The following CADM2 variants were observed in gnomAD, a reference collection of about 807,000 sequenced individuals.
The protein encoded by CADM2 is cell adhesion molecule 2.
In CADM2, 12 loss-of-function variants were observed where a neutral mutation model predicts 49.8. The observed-to-expected ratio is 0.24, with a 90% confidence interval of 0.15 to 0.39. The LOEUF (loss-of-function observed/expected upper bound fraction) is 0.39, where lower values mean the gene tolerates loss of function less well. Ranked by LOEUF, CADM2 falls within the 10% of genes least tolerant of loss-of-function variation. The pLI is 1.00. For synonymous variants in CADM2, 214 were observed against 175.4 expected, an observed-to-expected ratio of 1.22 and a Z score of -1.74; for missense variants, 378 against 492.3, an observed-to-expected ratio of 0.77 and a Z score of 2.20.
intron 1 of CADM2, among the ~76,000 whole-genome samples, chr3:85,307,955 A>AC (rs1491123870): frequency 1.1e-4 from 16 of 149,880 alleles, no homozygotes; most frequent in African/African-American, 3.9e-4. Context: ...AAAAAAAAAA[A>AC]CACAATAATT....
chr3:85,723,334 G>A (rs1406890978), intron 1 of CADM2, among the ~76,000 whole-genome samples: 3 of 152,100 alleles, frequency 2.0e-5, no homozygotes, highest in Non-Finnish European at 4.4e-5. Flanking sequence ...TCTATAAACA[G>A]TTAAAATTGC....
intron 2 of CADM2, among the ~76,000 whole-genome samples, chr3:85,768,787 GTA>G (rs2069824210): frequency 8.5e-6 from 1 of 117,194 alleles, no homozygotes; most frequent in Non-Finnish European, 1.7e-5. Flanking sequence ...TACATATATA[GTA>G]TATATACACA....
rs906782028 is a variant in CADM2, at chr3:85,461,273, C to T, written c.62-265249C>T. On this transcript the variant is annotated intron_variant, in intron 1 of 9. Transcript: ENST00000383699. The stretch of plus-strand genomic sequence containing the variant: ...CAACACCATGTAATATTATACTTCA[C>T]TGGATAATCTCTATGAGATTTCAGA... 2.6e-5 allele frequency among the ~76,000 whole-genome samples: 4 copies of T among 152,040 alleles called. No individual in the cohort carries two copies. In the East Asian group the frequency reaches 7.7e-4, roughly 29 times the overall value.
chr3:84,975,373 T>A (rs769291358), intron 1 of CADM2, among the ~76,000 whole-genome samples: 1 of 151,814 alleles, frequency 6.6e-6, no homozygotes, highest in Admixed American at 6.6e-5. Flanking sequence ...AGAAAACTTA[T>A]AAGGGATTGC....
At chr3:85,205,497 G>C (rs2041610357) in intron 1 of CADM2, among the ~76,000 whole-genome samples, 1 of 151,898 alleles carries the variant, frequency 6.6e-6, no homozygotes, top group South Asian at 2.1e-4. Context: ...AAATCACAGT[G>C]AATTTTTACA....
At chr3:85,306,135 C>A (rs2044206988) in intron 1 of CADM2, among the ~76,000 whole-genome samples, 1 of 151,638 alleles carries the variant, frequency 6.6e-6, no homozygotes, top group Non-Finnish European at 1.5e-5. Context: ...TCTGTTCTAT[C>A]TAAGGATGCA....
At chr3:85,572,902 GAC>G (rs1278434664) in intron 1 of CADM2, among the ~76,000 whole-genome samples, 3 of 152,080 alleles carry the variant, frequency 2.0e-5, no homozygotes, top group Non-Finnish European at 4.4e-5. Flanking sequence ...CATACTCACA[GAC>G]ACACCCCAAA....
intron 1 of CADM2, among the ~76,000 whole-genome samples, chr3:85,266,643 C>T (rs1469217262): frequency 6.6e-6 from 1 of 151,672 alleles, no homozygotes; most frequent in Non-Finnish European, 1.5e-5. Context: ...ATATGTCTTG[C>T]AATACATAGA....
intron 5 of CADM2, among the ~76,000 whole-genome samples, chr3:85,889,181 G>A (rs13314103): frequency 2.1e-4 from 32 of 152,214 alleles, no homozygotes; most frequent in African/African-American, 6.3e-4. Context: ...AAATAGAAAC[G>A]TTTATACAAA....
intron 1 of CADM2, among the ~76,000 whole-genome samples, chr3:85,025,871 A>G (rs1485238753): frequency 6.6e-6 from 1 of 152,104 alleles, no homozygotes; most frequent in East Asian, 1.9e-4. Flanking sequence ...CTTTTGTATC[A>G]TTGCCCGGTA....
intron 1 of CADM2, among the ~76,000 whole-genome samples, chr3:85,284,926 G>C (rs1446096107): frequency 6.6e-6 from 1 of 151,940 alleles, no homozygotes; most frequent in Non-Finnish European, 1.5e-5. Context: ...GAGAGACAAC[G>C]AAAAAAAGCA....
At chr3:85,820,187 TG>T (rs2073465815) in intron 3 of CADM2, among the ~76,000 whole-genome samples, 2 of 151,954 alleles carry the variant, frequency 1.3e-5, no homozygotes, top group African/African-American at 4.8e-5. Flanking sequence ...GCAGAGGTAG[TG>T]GGATGAGGAG....
At chr3:85,307,990 A>G (rs547982425) in intron 1 of CADM2, among the ~76,000 whole-genome samples, 1 of 151,374 alleles carries the variant, frequency 6.6e-6, no homozygotes, top group Admixed American at 6.6e-5. Flanking sequence ...AAATTTGTGG[A>G]ATTCACTCAA....
chr3:85,128,271 A>G (rs965680453), intron 1 of CADM2, among the ~76,000 whole-genome samples: 1 of 152,176 alleles, frequency 6.6e-6, no homozygotes, highest in Non-Finnish European at 1.5e-5. Flanking sequence ...GGCCATTTAT[A>G]ATGCCTAATT....
chr3:85,513,610 T>C (rs2060826004), intron 1 of CADM2, among the ~76,000 whole-genome samples: 1 of 151,976 alleles, frequency 6.6e-6, no homozygotes, highest in Non-Finnish European at 1.5e-5. Flanking sequence ...TAAATCAGCT[T>C]ATTTTATTGG....
intron 1 of CADM2, among the ~76,000 whole-genome samples, chr3:85,131,370 T>C (rs906091134): frequency 3.3e-5 from 5 of 152,110 alleles, no homozygotes; most frequent in African/African-American, 9.7e-5. Flanking sequence ...AAGACCTCAA[T>C]GTCCAAAGAC....
chr3:85,404,314 T>G (rs1044828139), intron 1 of CADM2, among the ~76,000 whole-genome samples: 3 of 152,102 alleles, frequency 2.0e-5, no homozygotes, highest in Non-Finnish European at 1.5e-5. Flanking sequence ...AATGACAACT[T>G]TAATGATTGT....
chr3:85,979,810 G>T (rs1727250026), intron 8 of CADM2, among the ~76,000 whole-genome samples: 1 of 151,540 alleles, frequency 6.6e-6, no homozygotes, highest in Non-Finnish European at 1.5e-5. Flanking sequence ...ATCCCAAAGT[G>T]ATTTGCTGAG....
intron 1 of CADM2, among the ~76,000 whole-genome samples, chr3:85,436,242 G>A (rs1343366546): frequency 6.6e-6 from 1 of 152,052 alleles, no homozygotes; most frequent in Non-Finnish European, 1.5e-5. Flanking sequence ...TTGGTGTATA[G>A]GAATGCTTGA....
Sources: allele counts gnomAD v4.1 joint callset (sites outside exome capture counted in the v4.1 genomes callset), GRCh38; gene constraint gnomAD v4.1.1; transcripts MANE v1.5; gene names NCBI Gene and HGNC (gene_info 2026-07-23, HGNC 2026-07-21).